ARHGAP32: variants seen among roughly 807,000 people sequenced by gnomAD.
ARHGAP32 encodes the protein rho GTPase-activating protein 32.
ARHGAP32 carries 51 observed loss-of-function variants against 186.5 expected under a neutral mutation model. The ratio of observed to expected loss-of-function variants is 0.27; its 90% CI spans 0.22 to 0.35. The LOEUF (loss-of-function observed/expected upper bound fraction) is 0.35, where lower values mean the gene tolerates loss of function less well. Ranked by LOEUF, ARHGAP32 falls within the 10% of genes least tolerant of loss-of-function variation. The pLI, the probability that ARHGAP32 is intolerant of heterozygous loss-of-function variation, is 1.00. For missense variants in ARHGAP32, 2,186 were observed against 2,623.5 expected (o/e 0.83, Z 3.64); for synonymous variants, 950 against 964.3 (o/e 0.99, Z 0.27).
chr11:129,073,412 A>C (rs903270617), intron 6 of ARHGAP32, among the ~76,000 whole-genome samples: 6 of 152,330 alleles, frequency 3.9e-5, no homozygotes, highest in Middle Eastern at 3.4e-3. Context: ...CAAAGAATAA[A>C]AAAATGCTAG....
At chr11:129,174,292 C>T (rs572181849) in intron 1 of ARHGAP32, among the ~76,000 whole-genome samples, 9 of 152,300 alleles carry the variant, frequency 5.9e-5, no homozygotes, top group African/African-American at 1.4e-4. Context: ...GAGGGTCCTA[C>T]GCCCACGGAG....
intron 1 of ARHGAP32, among the ~76,000 whole-genome samples, chr11:129,260,391 T>A (rs1474978084): frequency 2.6e-5 from 4 of 152,150 alleles, no homozygotes; most frequent in African/African-American, 9.7e-5. Context: ...TGTCTCTATC[T>A]TAAATCATGA....
chr11:129,232,676 C>G (rs565113873), intron 1 of ARHGAP32, among the ~76,000 whole-genome samples: 1 of 152,222 alleles, frequency 6.6e-6, no homozygotes, highest in Admixed American at 6.5e-5. Context: ...GAAAAATTTC[C>G]TTCCAAGTTC....
chr11:129,235,805 T>C (rs755235817), intron 1 of ARHGAP32, among the ~76,000 whole-genome samples: 5 of 152,054 alleles, frequency 3.3e-5, no homozygotes, highest in East Asian at 3.9e-4. Context: ...AGTGAGAATA[T>C]AGGCTATTTA....
At chr11:129,216,449 A>G (rs1944646911) in intron 1 of ARHGAP32, among the ~76,000 whole-genome samples, 2 of 152,016 alleles carry the variant, frequency 1.3e-5, no homozygotes, top group African/African-American at 4.8e-5. Context: ...TGGGAGGCCC[A>G]GGCAGGTGTA....
intron 20 of ARHGAP32, among the ~76,000 whole-genome samples, chr11:128,975,774 C>G (rs1277925611): frequency 1.3e-5 from 2 of 152,086 alleles, no homozygotes; most frequent in African/African-American, 2.4e-5. Flanking sequence ...ATTGGCCGGT[C>G]ACAGCGGTTC....
Position 129,050,456 on chromosome 11 carries a change from T to TCAGCCACC in ARHGAP32, c.964-9448_964-9447insGGTGGCTG, listed in dbSNP as rs1334511114. ...CATGGGCTCAAGCAATCCTCCTGCC[T>TCAGCCACC]CAGCCTCCCAAGTAGCCGGGACTAC... On this transcript the variant is annotated intron_variant, in intron 10 of 22. Transcript: ENST00000682385. Among the ~76,000 whole-genome samples the TCAGCCACC allele has an allele frequency of 2.0e-5, 3 of 152,162 alleles. No individual in the cohort carries two copies. In the East Asian group the frequency reaches 5.8e-4, roughly 29 times the overall value.
chr11:129,191,309 A>ACAAAAGG, intron 1 of ARHGAP32, among the ~76,000 whole-genome samples: 1 of 151,112 alleles, frequency 6.6e-6, no homozygotes, highest in East Asian at 1.9e-4. Context: ...CAAAGGTATT[A>ACAAAAGG]CATCGCTAAC....
intron 1 of ARHGAP32, among the ~76,000 whole-genome samples, chr11:129,263,060 A>G (rs1009660764): frequency 2.6e-5 from 4 of 152,170 alleles, no homozygotes; most frequent in Non-Finnish European, 4.4e-5. Flanking sequence ...AAATGAAATT[A>G]GAGTCTTACC....
At chr11:129,084,916 G>C (rs1488468838) in intron 6 of ARHGAP32, among the ~76,000 whole-genome samples, 1 of 151,994 alleles carries the variant, frequency 6.6e-6, no homozygotes, top group African/African-American at 2.4e-5. Context: ...AAAAACTCCT[G>C]GCACTAATAA....
At chr11:129,118,428 T>C (rs1942432350) in intron 5 of ARHGAP32, among the ~76,000 whole-genome samples, 1 of 152,070 alleles carries the variant, frequency 6.6e-6, no homozygotes, top group African/African-American at 2.4e-5. Context: ...AAAATTTGGT[T>C]GATCAGTAAA....
At chr11:129,270,724 T>C (rs1838587609) in intron 1 of ARHGAP32, among the ~76,000 whole-genome samples, 1 of 150,288 alleles carries the variant, frequency 6.7e-6, no homozygotes, top group Non-Finnish European at 1.5e-5. Flanking sequence ...GTAAAAATAG[T>C]CTACTTAAAA....
intron 10 of ARHGAP32, among the ~76,000 whole-genome samples, chr11:129,045,010 G>A (rs926446436): frequency 6.6e-6 from 1 of 152,076 alleles, no homozygotes; most frequent in African/African-American, 2.4e-5. Flanking sequence ...TCATCACAAT[G>A]AATTAGGTTT....
chr11:128,974,221 G>A lies in ARHGAP32; in HGVS notation c.2976C>T (p.Asp992=). 6.2e-7 allele frequency: 1 copy of A among 1,614,172 alleles called. No individual in the cohort carries two copies. The highest frequency in any genetic ancestry group is 8.5e-7 in the Non-Finnish European group (1 of 1,180,024). ...EAYESEVQPL[D]QVAAEEVELP... ...ATTCTACTTCTTCAGCAGCCACCTG[G>A]TCCAGGGGCTGGACTTCAGATTCAT... is the stretch of plus-strand genomic sequence containing the variant. The change falls in exon 21 of 23, where the codon GAC becomes GAT. Residue 992 remains aspartate, a synonymous_variant. Coordinates refer to ENST00000682385, the MANE Select transcript of ARHGAP32 (RefSeq NM_001378024.1).
At chr11:129,244,877 T>C (rs994203242) in intron 1 of ARHGAP32, among the ~76,000 whole-genome samples, 2 of 150,884 alleles carry the variant, frequency 1.3e-5, no homozygotes, top group Non-Finnish European at 3.0e-5. Context: ...ATCAGAGAAA[T>C]GCAAATCAAA....
intron 1 of ARHGAP32, among the ~76,000 whole-genome samples, chr11:129,215,623 C>A (rs1262470228): frequency 1.3e-5 from 2 of 152,250 alleles, no homozygotes; most frequent in East Asian, 3.9e-4. Flanking sequence ...TCACATCACT[C>A]CAACTTCTTG....
At chr11:129,243,904 G>A (rs1401543217) in intron 1 of ARHGAP32, among the ~76,000 whole-genome samples, 2 of 152,132 alleles carry the variant, frequency 1.3e-5, no homozygotes, top group East Asian at 1.9e-4. Context: ...TCACCATATT[G>A]TGATCTGGAA....
rs960639421 is a variant in ARHGAP32, at chr11:129,213,315, G to A, written c.-4-48888C>T. On this transcript the variant is annotated intron_variant, in intron 1 of 6. Transcript: ENST00000525234. ...CTGAGTTAAACCAGAAAAATACTCA[G>A]GAGGTATTTTAACTGACACAAGGAA... Among the ~76,000 whole-genome samples the A allele has an allele frequency of 5.1e-4, 78 of 152,184 alleles. 1 individual carries two copies. The highest frequency in any genetic ancestry group is 5.0e-3 in the Admixed American group (77 of 15,268).
Position 129,123,594 on chromosome 11 carries a change from G to C in ARHGAP32, c.360-64C>G. 1 of 1,434,780 alleles carries C rather than the reference G, an allele frequency of 7.0e-7. No individual in the cohort carries two copies. Among genetic ancestry groups the C allele is most frequent in the East Asian group, 2.3e-5 (1 of 42,988 alleles). The allele number at this position is 1,434,780 out of a possible 1,614,324, so 88.9% of individuals were successfully genotyped here. A position where few individuals can be genotyped will look rare whatever the true frequency, so the allele number is the denominator to read the frequency against. ...ACAGTAAAAATTACTAAGTTTAAGG[G>C]AAAAATACAGTGGATTTAAGAGCTC... On this transcript the variant is annotated intron_variant, in intron 4 of 22. Coordinates refer to ENST00000682385, the MANE Select transcript of ARHGAP32 (RefSeq NM_001378024.1). This position sits in a 1 kb window ranked among gnomAD's most constrained non-coding sequence, Gnocchi z 4.6.
Sources: allele counts gnomAD v4.1 joint callset (sites outside exome capture counted in the v4.1 genomes callset), GRCh38; gene constraint gnomAD v4.1.1; non-coding constraint Gnocchi (gnomAD v3.1); transcripts MANE v1.5; gene names NCBI Gene and HGNC (gene_info 2026-07-23, HGNC 2026-07-21).